The following HTT variants were observed in gnomAD, a reference collection of about 807,000 sequenced individuals.
The protein encoded by HTT is huntingtin.
Under a neutral mutation model 362.3 loss-of-function variants are expected in HTT, and 104 were observed. The observed-to-expected ratio is 0.29, with a 90% confidence interval of 0.24 to 0.34. The LOEUF (loss-of-function observed/expected upper bound fraction) is 0.34, where lower values mean the gene tolerates loss of function less well. Ranked by LOEUF, HTT falls within the 10% of genes least tolerant of loss-of-function variation. The pLI is 1.00. For synonymous variants in HTT, 1,577 were observed against 1,548.7 expected, an observed-to-expected ratio of 1.02 and a Z score of -0.43; for missense variants, 3,301 against 3,928.6, an observed-to-expected ratio of 0.84 and a Z score of 4.27.
At chr4:3,134,037 C>G (rs1715951674) in intron 18 of HTT, among the ~76,000 whole-genome samples, 2 of 152,128 alleles carry the variant, frequency 1.3e-5, no homozygotes, top group Admixed American at 1.3e-4. Context: ...GTGTAGGTCC[C>G]TTGTTCCTAC....
rs200585793 is a variant in HTT at position 3,160,734 on chromosome 4, C to T, written c.3864+342C>T. ...GGGGCAAAACAGACGGGTAAGGGGGCGGGGCGGGAGGTGTGACTTGCTCTT... is the reference window on the plus strand; with the variant it reads ...GGGGCAAAACAGACGGGTAAGGGGGTGGGGCGGGAGGTGTGACTTGCTCTT... On this transcript the variant is annotated intron_variant, in intron 29 of 66. Transcript: ENST00000355072. Among the ~76,000 whole-genome samples the T allele has an allele frequency of 4.0e-5, 6 of 151,656 alleles. No homozygotes were observed. In the East Asian group the frequency reaches 7.7e-4, roughly 20 times the overall value.
chr4:3,114,224 C>T (rs575207547), intron 6 of HTT, among the ~76,000 whole-genome samples: 83 of 152,336 alleles, frequency 5.4e-4, no homozygotes, highest in African/African-American at 1.3e-3. Context: ...CTTAAGAATG[C>T]CTTTAAGCGG....
rs1713921334 is a variant in HTT, at chr4:3,097,613, C to T, written c.348-1661C>T. ...TGCCGTTGCACTCCAGCCTGGGTGA[C>T]AGAGCAAGACTCCATCTCAAAACAA... On this transcript the variant is annotated intron_variant, in intron 2 of 66. Transcript: ENST00000355072. 2.6e-5 allele frequency among the ~76,000 whole-genome samples: 4 copies of T among 152,098 alleles called. 1 individual carries two copies. The South Asian group carries it at 8.3e-4, about 32-fold the overall frequency.
At chr4:3,141,009 G>A (rs1414695855) in intron 22 of HTT, among the ~76,000 whole-genome samples, 1 of 152,186 alleles carries the variant, frequency 6.6e-6, no homozygotes. Context: ...TATCATGCCT[G>A]TTGATTTTTT....
intron 64 of HTT, among the ~76,000 whole-genome samples, chr4:3,237,161 C>G (rs1206706075): frequency 2.0e-5 from 3 of 150,722 alleles, no homozygotes; most frequent in Non-Finnish European, 3.0e-5. Flanking sequence ...GCAACCTCCG[C>G]CTCCCGGGTT....
chr4:3,148,127 C>G lies in HTT; in HGVS notation c.3418C>G (p.Gln1140Glu), dbSNP rs939420572. Residue 1140 changes from glutamine (Q) to glutamate (E), a missense_variant, in exon 26 of 67, where the codon CAG becomes GAG. Transcript: ENST00000355072. Reference protein sequence around the residue: ...GDRALVPMVEQLFSHLLKVIN... With the variant: ...GDRALVPMVEELFSHLLKVIN... ...CCGGGCCCTGGTGCCCATGGTGGAG[C>G]AGCTCTTCTCTCACCTGCTGAAGGT... 3.1e-6 allele frequency: 5 copies of G among 1,613,838 alleles called. No homozygotes were observed. The African/African-American group carries it at 6.7e-5, about 22-fold the overall frequency.
intron 6 of HTT, among the ~76,000 whole-genome samples, chr4:3,108,161 G>A (rs1438983997): frequency 1.3e-5 from 2 of 152,208 alleles, no homozygotes; most frequent in African/African-American, 4.8e-5. Flanking sequence ...GTAAAATAAA[G>A]GAATATGTGT....
Position 3,226,482 on chromosome 4 carries a change from T to C in HTT, c.7848+739T>C, listed in dbSNP as rs907604430. Among the ~76,000 whole-genome samples the C allele has an allele frequency of 3.3e-5, 5 of 151,882 alleles. 1 individual carries two copies. The highest frequency in any genetic ancestry group is 3.3e-4 in the Admixed American group (5 of 15,254). ...CAGTACTCTGTCCCTTAAAAAAAAA[T>C]GTAAACAGAAACGTAGGGCCATTTG... On this transcript the variant is annotated intron_variant, in intron 57 of 66. Transcript: ENST00000355072.
In HTT at chr4:3,189,059, A is replaced by G. The variant is rs1237141513; in HGVS notation, c.5334A>G (p.Thr1778=). ...QHTFYCQELG[T]LLMCLIHIFK... Reference sequence around the variant, plus strand: ...CTTTCTATTGCCAGGAACTAGGCACACTGCTAATGTGTCTGATCCACATCT... The same window carrying G: ...CTTTCTATTGCCAGGAACTAGGCACGCTGCTAATGTGTCTGATCCACATCT... Residue 1778 remains threonine (T), a synonymous_variant, in exon 40 of 67, where the codon ACA becomes ACG. Transcript: ENST00000355072. The G allele has an allele frequency of 1.2e-6, 2 of 1,614,028 alleles. No homozygotes were observed. Among genetic ancestry groups the G allele is most frequent in the East Asian group, 2.2e-5 (1 of 44,902 alleles).
chr4:3,154,457 A>G, intron 27 of HTT, 38 bp downstream of exon 27: 7 of 1,604,192 alleles, frequency 4.4e-6, no homozygotes, highest in Non-Finnish European at 6.0e-6. Context: ...ACATGAGTGC[A>G]GCATCTGTCA....
Position 3,172,316 on chromosome 4 carries a change from A to G in HTT, c.3865-4A>G. 6.4e-7 allele frequency: 1 copy of G among 1,568,998 alleles called. No homozygotes were observed. The highest frequency in any genetic ancestry group is 8.8e-7 in the Non-Finnish European group (1 of 1,138,902). ...CGCTTAATGTCTCACTTGTCTTTCT[A>G]CAGTGTGTTGAAGAGATCCTAGGAT... On this transcript the variant is annotated splice_region_variant and splice_polypyrimidine_tract_variant and intron_variant, in intron 29 of 66. Transcript: ENST00000355072.
At chr4:3,238,702 C>A in intron 65 of HTT, 93 bp downstream of exon 65, 1 of 1,468,524 alleles carries the variant, frequency 6.8e-7, no homozygotes, top group South Asian at 1.3e-5. Flanking sequence ...GAGCCCAGCT[C>A]CTCCGCTTTA....
chr4:3,162,151 T>C (rs532004622), intron 29 of HTT, among the ~76,000 whole-genome samples: 1 of 152,318 alleles, frequency 6.6e-6, no homozygotes, highest in African/African-American at 2.4e-5. Flanking sequence ...GGCTAGCCAG[T>C]TTTCCCAACA....
At chr4:3,203,401 C>T (rs1216702942) in intron 41 of HTT, among the ~76,000 whole-genome samples, 1 of 152,144 alleles carries the variant, frequency 6.6e-6, no homozygotes, top group African/African-American at 2.4e-5. Flanking sequence ...AGTGTGTCAA[C>T]ATTTTAACTG....
At chr4:3,186,802 AGTCAGTCAGTTTGG>A in intron 38 of HTT, 83 bp downstream of exon 38, 1 of 904,730 alleles carries the variant, frequency 1.1e-6, no homozygotes, top group East Asian at 3.8e-5. Context: ...AGAATGTCTG[AGTCAGTCAGTTTGG>A]GTAGGGCTTC....
Position 3,226,949 on chromosome 4 carries a change from C to T in HTT, c.7848+1206C>T, listed in dbSNP as rs564828637. Among the ~76,000 whole-genome samples the T allele has an allele frequency of 2.6e-5, 4 of 152,312 alleles. No homozygotes were observed. The South Asian group carries it at 8.3e-4, about 32-fold the overall frequency. ...GTCCTTTCACCTTTGACAGATGTTT[C>T]CACCCCAAGATAAGTGAAAATGACC... On this transcript the variant is annotated intron_variant, in intron 57 of 66. Coordinates refer to ENST00000355072, the MANE Select transcript of HTT (RefSeq NM_001388492.1).
At chr4:3,200,011 C>T in intron 41 of HTT, 72 bp downstream of exon 41, 1 of 1,267,080 alleles carries the variant, frequency 7.9e-7, no homozygotes, top group South Asian at 1.3e-5. Flanking sequence ...GTAACCTGAG[C>T]TTTGGCCACC....
chr4:3,209,039 G>A, intron 46 of HTT, 128 bp downstream of exon 46: 1 of 1,053,554 alleles, frequency 9.5e-7, no homozygotes, highest in East Asian at 2.6e-5. Flanking sequence ...TCGGCTCAGT[G>A]AAGCTGTGGT....
chr4:3,239,311 TCTCCTGACACTG>T (rs1721698335), intron 66 of HTT, among the ~76,000 whole-genome samples: 1 of 152,132 alleles, frequency 6.6e-6, no homozygotes, highest in Non-Finnish European at 1.5e-5. Context: ...TGGCTGGGCT[TCTCCTGACACTG>T]CTTCTCATTA....
Sources: gnomAD v4.1 joint callset for allele counts (sites outside exome capture counted in the v4.1 genomes callset) on GRCh38, gnomAD v4.1.1 for gene constraint, MANE v1.5 for transcripts, NCBI Gene and HGNC (gene_info 2026-07-23, HGNC 2026-07-21) for gene names.